The following ZNF280D variants were observed in gnomAD, a reference collection of about 807,000 sequenced individuals.
ZNF280D encodes the protein suppressor of hairy wing homolog 4.
ZNF280D carries 39 observed loss-of-function variants against 94.7 expected under a neutral mutation model. That is an observed-to-expected ratio of 0.41 (90% CI 0.32 to 0.54). The LOEUF is 0.54. Among genes scored for constraint, ZNF280D ranks in the 20% least tolerant of loss-of-function variants. The pLI is 0.22. For missense variants in ZNF280D, 1,090 were observed against 1,149.3 expected (o/e 0.95, Z 0.75); for synonymous variants, 398 against 377.6 (o/e 1.05, Z -0.63).
chr15:56,680,714 C>A (rs143767256), intron 10 of ZNF280D, among the ~76,000 whole-genome samples: 70 of 150,706 alleles, frequency 4.6e-4, no homozygotes, highest in African/African-American at 1.7e-3. Flanking sequence ...TTTGCTAAAG[C>A]GATCATCCTG....
intron 13 of ZNF280D, among the ~76,000 whole-genome samples, chr15:56,669,846 C>T: frequency 1.9e-5 from 1 of 52,440 alleles, no homozygotes; most frequent in African/African-American, 6.8e-5. Flanking sequence ...CAATTTTTAC[C>T]CTCATTATTT....
intron 4 of ZNF280D, 66 bp downstream of exon 4, chr15:56,704,055 T>G (rs2057253649): frequency 1.9e-6 from 3 of 1,572,370 alleles, no homozygotes; most frequent in Non-Finnish European, 2.6e-6. Context: ...TATTAAACAG[T>G]TCACAAGTTT....
intron 13 of ZNF280D, among the ~76,000 whole-genome samples, chr15:56,673,063 C>T (rs1167377874): frequency 1.3e-5 from 2 of 151,958 alleles, no homozygotes; most frequent in South Asian, 2.1e-4. Flanking sequence ...CAAAACAATA[C>T]AGCAGGTAAA....
At chr15:56,639,490 G>A (rs1393253847) in intron 20 of ZNF280D, among the ~76,000 whole-genome samples, 3 of 151,868 alleles carry the variant, frequency 2.0e-5, no homozygotes, top group Non-Finnish European at 2.9e-5. Flanking sequence ...AAAAAGGATG[G>A]GTGAACATAT....
At chr15:56,694,825 TAA>T (rs1190858985) in intron 6 of ZNF280D, among the ~76,000 whole-genome samples, 1 of 151,940 alleles carries the variant, frequency 6.6e-6, no homozygotes, top group Non-Finnish European at 1.5e-5. Context: ...GAAATTCCAG[TAA>T]AGTCTATAGT....
intron 9 of ZNF280D, among the ~76,000 whole-genome samples, chr15:56,687,062 A>G (rs2056074307): frequency 6.6e-6 from 1 of 152,120 alleles, no homozygotes. Flanking sequence ...TATAACACTA[A>G]AACTTTAGCT....
rs149430097 is a variant in ZNF280D at position 56,657,625 on chromosome 15, G to A, written c.2057+799C>T. Reference sequence around the variant, plus strand: ...GCAATCATTTATATTTTCAAATTAGGTACCCTAATATCAGGTTTAAAAAAA... The same window carrying A: ...GCAATCATTTATATTTTCAAATTAGATACCCTAATATCAGGTTTAAAAAAA... On this transcript the variant is annotated intron_variant, in intron 17 of 21. Transcript: ENST00000267807. Among the ~76,000 whole-genome samples the A allele has an allele frequency of 3.2e-3, 487 of 152,048 alleles. 1 individual carries two copies. The highest frequency in any genetic ancestry group is 5.2e-3 in the Non-Finnish European group (353 of 67,950).
intron 19 of ZNF280D, among the ~76,000 whole-genome samples, chr15:56,650,549 C>G (rs1042009466): frequency 1.1e-4 from 17 of 152,190 alleles, no homozygotes; most frequent in African/African-American, 3.1e-4. Context: ...ACTAAATCAA[C>G]TTTTAAAATC....
At chr15:56,711,979 A>G (rs1440717053) in intron 1 of ZNF280D, among the ~76,000 whole-genome samples, 1 of 152,210 alleles carries the variant, frequency 6.6e-6, no homozygotes, top group Admixed American at 6.5e-5. Flanking sequence ...ATCACTAGGT[A>G]ATAGGAATTT....
At chr15:56,720,973 G>T (rs111593964) in intron 1 of ZNF280D, among the ~76,000 whole-genome samples, 15 of 98,660 alleles carry the variant, frequency 1.5e-4, no homozygotes, top group Admixed American at 7.2e-4. Flanking sequence ...TTTTTTTTGG[G>T]GGGGGGGGGG....
At chr15:56,671,513 C>G (rs755623565) in intron 13 of ZNF280D, among the ~76,000 whole-genome samples, 1 of 152,032 alleles carries the variant, frequency 6.6e-6, no homozygotes, top group Non-Finnish European at 1.5e-5. Context: ...TCTGGGTTCT[C>G]TATACTATTC....
chr15:56,707,448 T>C lies in ZNF280D; in HGVS notation c.-85-142A>G, dbSNP rs143434791. On this transcript the variant is annotated intron_variant, in intron 1 of 21. Transcript: ENST00000267807. The stretch of plus-strand genomic sequence containing the variant: ...TAGTTCATTTTACATAATTGGTTCA[T>C]TCCTGAATAAACCCAAATTTAATAA... 9.3e-4 allele frequency: 504 copies of C among 543,666 alleles called. 3 individuals carry two copies. The highest frequency in any genetic ancestry group is 8.7e-3 in the African/African-American group (444 of 51,224). The allele number at this position is 543,666 out of a possible 1,614,324, so 33.7% of individuals were successfully genotyped here.
chr15:56,653,627 A>T, intron 19 of ZNF280D: 1 of 1,451,404 alleles, frequency 6.9e-7, no homozygotes, highest in African/African-American at 1.4e-5. Flanking sequence ...TAGCACAATG[A>T]CAGACAACGA....
chr15:56,678,853 G>C, intron 10 of ZNF280D, 32 bp from the exon 11 acceptor site: 2 of 1,458,504 alleles, frequency 1.4e-6, no homozygotes, highest in Non-Finnish European at 1.8e-6. Flanking sequence ...TGCAAAACTT[G>C]AGATTTAAAA....
At chr15:56,713,904 T>C (rs1158895983) in intron 1 of ZNF280D, among the ~76,000 whole-genome samples, 1 of 152,156 alleles carries the variant, frequency 6.6e-6, no homozygotes, top group Admixed American at 6.6e-5. Context: ...ACTTTGGCAC[T>C]ATAAGACAAA....
rs1160125993 is a variant in ZNF280D at position 56,651,520 on chromosome 15, TAAGAA to T, written c.2213+2673_2213+2677del. On this transcript the variant is annotated intron_variant, in intron 19 of 21. Coordinates refer to ENST00000267807, the MANE Select transcript of ZNF280D (RefSeq NM_017661.4). Reference sequence around the variant, plus strand: ...GAAAGAACTTTAAGAATTCATACTTTAAGAAAATGAATTTGATACATACTATAAAA... The same window carrying T: ...GAAAGAACTTTAAGAATTCATACTTTAATGAATTTGATACATACTATAAAA... Among the ~76,000 whole-genome samples the T allele has an allele frequency of 3.3e-5, 5 of 152,042 alleles. No homozygotes were observed. The East Asian group carries it at 9.6e-4, about 29-fold the overall frequency.
intron 4 of ZNF280D, among the ~76,000 whole-genome samples, chr15:56,703,087 T>A (rs773147328): frequency 6.6e-6 from 1 of 152,196 alleles, no homozygotes; most frequent in African/African-American, 2.4e-5. Context: ...CTCTGCACTG[T>A]CATACATTTT....
chr15:56,701,377 C>A, intron 4 of ZNF280D, 139 bp from the exon 5 acceptor site: 1 of 571,432 alleles, frequency 1.7e-6, no homozygotes, highest in East Asian at 3.0e-5. Context: ...GAATATAGTT[C>A]ATTTTAAACA....
At chr15:56,696,792 A>G (rs1206905647) in intron 6 of ZNF280D, among the ~76,000 whole-genome samples, 2 of 152,234 alleles carry the variant, frequency 1.3e-5, no homozygotes, top group Admixed American at 6.5e-5. Flanking sequence ...AGAGTTTTTA[A>G]GCAGCTATCA....
Sources: gnomAD v4.1 joint callset for allele counts (sites outside exome capture counted in the v4.1 genomes callset) on GRCh38, gnomAD v4.1.1 for gene constraint, MANE v1.5 for transcripts, NCBI Gene and HGNC (gene_info 2026-07-23, HGNC 2026-07-21) for gene names.